UBXN1: variants seen among roughly 807,000 people sequenced by gnomAD.
UBXN1 encodes UBX domain protein 1, also known as UBX domain-containing protein 1.
Under a neutral mutation model 42.0 loss-of-function variants are expected in UBXN1, and 21 were observed. That is an observed-to-expected ratio of 0.50 (90% CI 0.35 to 0.72). The LOEUF (loss-of-function observed/expected upper bound fraction) is 0.72, where lower values mean the gene tolerates loss of function less well. UBXN1 is among the 30% of genes least tolerant of loss of function. UBXN1 has a pLI of 0.00. For synonymous variants in UBXN1, 172 were observed against 142.6 expected (o/e 1.21, Z -1.47); for missense variants, 374 against 382.2 (o/e 0.98, Z 0.18).
At position 62,677,633 on chromosome 11, in the gene UBXN1, T is replaced by C. The variant is rs1039598952; in HGVS notation, c.536A>G (p.Tyr179Cys). 2.5e-6 allele frequency: 4 copies of C among 1,612,340 alleles called. No homozygotes were observed. Among genetic ancestry groups the C allele is most frequent in the Admixed American group, 3.4e-5 (2 of 59,672 alleles). Residue 179 changes from tyrosine (Y) to cysteine (C), a missense_variant and splice_region_variant, in exon 7 of 9, where the codon TAT becomes TGT. Tyr to Cys is a radical substitution (Grantham distance 194). Transcript: ENST00000301935. The stretch of plus-strand genomic sequence containing the variant: ...TGGCTGAGAGCCCACACTGCCACCA[T>C]ACTAAAGGGCAAAGTAAAACAGTCA... ...ERDKAERAKK[Y>C]GGSVGSQPPP...
intron 4 of UBXN1, 95 bp from the exon 5 acceptor site, chr11:62,678,213 G>A (rs777553681): frequency 1.2e-5 from 19 of 1,604,224 alleles, no homozygotes; most frequent in Non-Finnish European, 1.6e-5. Flanking sequence ...ATATCCCAAA[G>A]TAGATTAAAG....
At position 62,678,610 on chromosome 11, in the gene UBXN1, G is replaced by A. The variant is rs763933578; in HGVS notation, c.114-9C>T. On this transcript the variant is annotated splice_polypyrimidine_tract_variant and intron_variant, in intron 2 of 8. Coordinates refer to ENST00000301935, the MANE Select transcript of UBXN1 (RefSeq NM_001286077.2). Reference sequence around the variant, plus strand: ...CTTCGTGCTCCATCAGCCTGGCAGGGAAAGTGGGCGGGGAGGTTAGCTTTG... The same window carrying A: ...CTTCGTGCTCCATCAGCCTGGCAGGAAAAGTGGGCGGGGAGGTTAGCTTTG... 62 of 1,612,502 alleles carry A rather than the reference G, an allele frequency of 3.8e-5. No individual in the cohort carries two copies. The highest frequency in any genetic ancestry group is 6.7e-5 in the East Asian group (3 of 44,850).
At position 62,678,514 on chromosome 11, in the gene UBXN1, T is replaced by G. The variant is rs1311710965; in HGVS notation, c.201A>C (p.Ser67=). ...CAGGACCTTCAAGGCCGCCTTGCTC[T>G]GAGGAAGTGGGCTCCCGTCCCAGGA... is the stretch of plus-strand genomic sequence containing the variant. ...GHILGREPTS[S]EQGGLEGSGS... is the part of the protein sequence containing the mutation. Residue 67 remains serine (S), a synonymous_variant, in exon 3 of 9, where the codon TCA becomes TCC. Coordinates refer to ENST00000301935, the MANE Select transcript of UBXN1 (RefSeq NM_001286077.2). 6.2e-7 allele frequency: 1 copy of G among 1,611,532 alleles called. No homozygotes were observed. The highest frequency in any genetic ancestry group is 8.5e-7 in the Non-Finnish European group (1 of 1,178,750).
intron 3 of UBXN1, 23 bp downstream of exon 3, chr11:62,678,472 C>A (rs758434170): frequency 8.1e-6 from 13 of 1,612,812 alleles, no homozygotes; most frequent in Non-Finnish European, 1.1e-5. Context: ...TGAATAATCA[C>A]ACCGTGGACC....
chr11:62,677,407 A>C (rs886840568), intron 7 of UBXN1, 111 bp downstream of exon 7: 1 of 1,074,470 alleles, frequency 9.3e-7, no homozygotes, highest in Non-Finnish European at 1.4e-6. Context: ...GTCATTTACA[A>C]AGAAGGGAGA....
chr11:62,678,649 C>T, intron 2 of UBXN1, 41 bp downstream of exon 2: 1 of 1,603,778 alleles, frequency 6.2e-7, no homozygotes, highest in Non-Finnish European at 8.5e-7. Context: ...CTGCCCCTCC[C>T]GCCAGCCCCC....
intron 4 of UBXN1, 35 bp downstream of exon 4, chr11:62,678,304 C>T (rs1590860394): frequency 2.5e-6 from 4 of 1,613,698 alleles, no homozygotes; most frequent in Middle Eastern, 1.7e-4. Flanking sequence ...AGATGGAAGA[C>T]GACCCTCAGA....
At chr11:62,678,777 AG>A (rs1945090011) in intron 1 of UBXN1, 34 bp from the exon 2 acceptor site, 1 of 1,612,918 alleles carries the variant, frequency 6.2e-7, no homozygotes, top group Non-Finnish European at 8.5e-7. Flanking sequence ...AGCGCCCACG[AG>A]CCATGGTGAC....
chr11:62,677,990 T>C lies in UBXN1; in HGVS notation c.419A>G (p.Glu140Gly). ...ELSAARQRLQ[E>G]DEMRRAAEER... is the part of the protein sequence containing the mutation. ...CTCAGCAGCCCGGCGCATCTCATCT[T>C]CCTGTAGCCGCTGTCGTGCTGCTGA... is the stretch of plus-strand genomic sequence containing the variant. Residue 140 changes from glutamate (E) to glycine (G), a missense_variant, in exon 5 of 9, where the codon GAA becomes GGA. Coordinates refer to ENST00000301935, the MANE Select transcript of UBXN1 (RefSeq NM_001286077.2). 3.1e-6 allele frequency: 5 copies of C among 1,614,142 alleles called. No homozygotes were observed. Among genetic ancestry groups the C allele is most frequent in the Non-Finnish European group, 3.4e-6 (4 of 1,180,030 alleles).
In UBXN1 at chr11:62,678,510, G is replaced by C; in HGVS notation, c.205C>G (p.Gln69Glu). The change falls in exon 3 of 9, where the codon CAA becomes GAA. Residue 69 changes from glutamine to glutamate, a missense_variant. Physicochemically the swap from Gln to Glu is conservative, Grantham distance 29. Coordinates refer to ENST00000301935, the MANE Select transcript of UBXN1 (RefSeq NM_001286077.2). ...ILGREPTSSE[Q>E]GGLEGSGSAA... ...CAGTCAGGACCTTCAAGGCCGCCTT[G>C]CTCTGAGGAAGTGGGCTCCCGTCCC... The C allele has an allele frequency of 6.2e-7, 1 of 1,611,998 alleles. No individual in the cohort carries two copies. The highest frequency in any genetic ancestry group is 8.5e-7 in the Non-Finnish European group (1 of 1,178,942).
rs1471191573 is a variant in UBXN1 at position 62,678,354 on chromosome 11, T to C, written c.275A>G (p.Gln92Arg). The C allele has an allele frequency of 5.6e-6, 9 of 1,614,084 alleles. No homozygotes were observed. The highest frequency in any genetic ancestry group is 1.6e-4 in the Middle Eastern group (1 of 6,084). Residue 92 changes from glutamine to arginine, a missense_variant, in exon 4 of 9, where the codon CAG becomes CGG. Coordinates refer to ENST00000301935, the MANE Select transcript of UBXN1 (RefSeq NM_001286077.2). The stretch of plus-strand genomic sequence containing the variant: ...GTTACTGTACCTCTTAGTTTGTTCC[T>C]GTCTTTCCTCTTCACTCAAAGCGGG... The part of the protein sequence containing the change: ...GKPALSEEER[Q>R]EQTKRMLELV...
At chr11:62,677,049 G>A in intron 7 of UBXN1, 44 bp from the exon 8 acceptor site, 1 of 1,568,118 alleles carries the variant, frequency 6.4e-7, no homozygotes, top group South Asian at 1.1e-5. Flanking sequence ...CATCAAAACT[G>A]AATGAGGTGC....
intron 4 of UBXN1, 58 bp downstream of exon 4, chr11:62,678,281 G>T: frequency 6.2e-7 from 1 of 1,610,126 alleles, no homozygotes; most frequent in Non-Finnish European, 8.5e-7. Flanking sequence ...TTGACCAGAC[G>T]TGTACTGGGG....
intron 1 of UBXN1, 34 bp from the exon 2 acceptor site, chr11:62,678,777 A>G (rs1255675901): frequency 6.2e-7 from 1 of 1,613,036 alleles, no homozygotes; most frequent in Non-Finnish European, 8.5e-7. Flanking sequence ...AGCGCCCACG[A>G]GCCATGGTGA....
At position 62,677,781 on chromosome 11, in the gene UBXN1, C is replaced by G; in HGVS notation, c.534G>C (p.Lys178Asn). Reference sequence around the variant, plus strand: ...CCGTGGCGTCTTCTCAGTCACCTACCTTCTTGGCTCTCTCTGCTTTGTCCC... The same window carrying G: ...CCGTGGCGTCTTCTCAGTCACCTACGTTCTTGGCTCTCTCTGCTTTGTCCC... The part of the protein sequence containing the change: ...IERDKAERAK[K>N]YGGSVGSQPP... Residue 178 changes from lysine (K) to asparagine (N), a missense_variant and splice_region_variant, in exon 6 of 9, where the codon AAG (lysine) becomes AAC (asparagine). Transcript: ENST00000301935. 2 of 1,614,242 alleles carry G rather than the reference C, an allele frequency of 1.2e-6. No individual in the cohort carries two copies. The highest frequency in any genetic ancestry group is 1.1e-5 in the South Asian group (1 of 91,082).
chr11:62,678,361 C>T lies in UBXN1; in HGVS notation c.268G>A (p.Glu90Lys). ...GEGKPALSEEERQEQTKRMLE... is the reference protein window; with the variant it reads ...GEGKPALSEEKRQEQTKRMLE... The stretch of plus-strand genomic sequence containing the variant: ...TACCTCTTAGTTTGTTCCTGTCTTT[C>T]CTCTTCACTCAAAGCGGGTTTGCCT... Residue 90 changes from glutamate (E) to lysine (K), a missense_variant, in exon 4 of 9, where the codon GAA (glutamate) becomes AAA (lysine). Transcript: ENST00000301935. The T allele has an allele frequency of 1.2e-6, 2 of 1,614,188 alleles. No individual in the cohort carries two copies. Among genetic ancestry groups the T allele is most frequent in the African/African-American group, 1.3e-5 (1 of 75,054 alleles).
Position 62,677,827 on chromosome 11 carries a change from C to G in UBXN1, c.488G>C (p.Arg163Thr). The change falls in exon 6 of 9, where the codon AGA becomes ACA. Residue 163 changes from arginine to threonine, a missense_variant. Transcript: ENST00000301935. ...GTCCCTCTCGATCTTTTCTCTAACT[C>G]TTTGTCTGAAATGTAGACAAGAAGA... ...EKAEELAARQ[R>T]VREKIERDKA... is the part of the protein sequence containing the mutation. 1 of 1,614,212 alleles carries G rather than the reference C, an allele frequency of 6.2e-7. No homozygotes were observed. The highest frequency in any genetic ancestry group is 8.5e-7 in the Non-Finnish European group (1 of 1,180,042).
Position 62,679,036 on chromosome 11 carries a change from C to T in UBXN1, c.-113G>A, listed in dbSNP as rs1288370631. The T allele has an allele frequency of 8.3e-6, 10 of 1,212,114 alleles. No individual in the cohort carries two copies. The highest frequency in any genetic ancestry group is 1.0e-5 in the Non-Finnish European group (9 of 875,748). 75.1% of individuals were successfully genotyped at this position (1,212,114 alleles called of 1,614,324 possible). A position where few individuals can be genotyped will look rare whatever the true frequency, so the allele number is the denominator to read the frequency against. ...ACCCGCCGACGGGCGCTCGCTCTCT[C>T]ACCCGGCTCTATAGCAGCCGGGAAC... On this transcript the variant is annotated 5_prime_UTR_variant, in exon 1 of 9. Coordinates refer to ENST00000301935, the MANE Select transcript of UBXN1 (RefSeq NM_001286077.2).
At position 62,679,024 on chromosome 11, in the gene UBXN1, C is replaced by A; in HGVS notation, c.-101G>T. 1 of 1,321,370 alleles carries A rather than the reference C, an allele frequency of 7.6e-7. No homozygotes were observed. The highest frequency in any genetic ancestry group is 1.0e-6 in the Non-Finnish European group (1 of 970,710). The allele number at this position is 1,321,370 out of a possible 1,614,324, so 81.9% of individuals were successfully genotyped here. ...CCCGCCCTCGACACCCGCCGACGGG[C>A]GCTCGCTCTCTCACCCGGCTCTATA... On this transcript the variant is annotated 5_prime_UTR_variant, in exon 1 of 9. Coordinates refer to ENST00000301935, the MANE Select transcript of UBXN1 (RefSeq NM_001286077.2).
Sources: gnomAD v4.1 joint callset for allele counts on GRCh38, gnomAD v4.1.1 for gene constraint, MANE v1.5 for transcripts, NCBI Gene and HGNC (gene_info 2026-07-23, HGNC 2026-07-21) for gene names.